Variants in SLC45A4 observed in about 807,000 individuals in gnomAD.
SLC45A4 encodes the protein polyamine-transporter SLC45A4.
In SLC45A4, 32 loss-of-function variants were observed where a neutral mutation model predicts 63.7. The ratio of observed to expected loss-of-function variants is 0.50; its 90% CI spans 0.38 to 0.67. SLC45A4 has a LOEUF of 0.67. Ranked by LOEUF, SLC45A4 falls within the 30% of genes least tolerant of loss-of-function variation. The probability of loss-of-function intolerance (pLI) is 0.00; values close to 1 mark genes in which losing one functional copy is unlikely to be tolerated. For synonymous variants in SLC45A4, 535 were observed against 510.0 expected (o/e 1.05, Z -0.66); for missense variants, 1,027 against 1,157.7 (o/e 0.89, Z 1.64).
At position 141,287,403 on chromosome 8, in the gene SLC45A4, A is replaced by G. The variant is rs11988726; in HGVS notation, c.-401+20693T>C. 6.8e-3 allele frequency among the ~76,000 whole-genome samples: 1,035 copies of G among 152,292 alleles called. 13 individuals are homozygous for G. The highest frequency in any genetic ancestry group is 0.022 in the African/African-American group (918 of 41,558). ...TACAGGTGTTTTCACAAGAGGAAAT[A>G]ACCCACACGCAGGGCACGGAGCGCA... On this transcript the variant is annotated intron_variant, in intron 1 of 8. Transcript: ENST00000517878.
intron 2 of SLC45A4, among the ~76,000 whole-genome samples, chr8:141,240,851 T>G (rs10103294): frequency 6.6e-6 from 1 of 152,186 alleles, no homozygotes; most frequent in Admixed American, 6.5e-5. Context: ...GAGACGCATG[T>G]GGATGTGCAG....
chr8:141,303,624 T>C (rs1338083455), intron 1 of SLC45A4, among the ~76,000 whole-genome samples: 2 of 152,198 alleles, frequency 1.3e-5, no homozygotes, highest in African/African-American at 2.4e-5. Flanking sequence ...TCAATTCAGA[T>C]GGCTCCAGGA....
In SLC45A4 at chr8:141,218,890, C is replaced by T; in HGVS notation, c.750G>A (p.Leu250=). The T allele has an allele frequency of 1.9e-6, 3 of 1,613,664 alleles. No individual in the cohort carries two copies. The highest frequency in any genetic ancestry group is 2.5e-6 in the Non-Finnish European group (3 of 1,179,938). ...TGTACTGCTCCTCGTCGATGCTGAACAGGTGCAGGGCCACGGACACCGTGA... is the reference window on the plus strand; with the variant it reads ...TGTACTGCTCCTCGTCGATGCTGAATAGGTGCAGGGCCACGGACACCGTGA... ...IIFTVSVALH[L]FSIDEEQYSP... is the part of the protein sequence containing the mutation. Residue 250 remains leucine (L), a synonymous_variant, in exon 5 of 9, where the codon CTG becomes CTA. Transcript: ENST00000517878.
chr8:141,222,357 AG>A (rs1826699077), intron 2 of SLC45A4, among the ~76,000 whole-genome samples: 1 of 152,220 alleles, frequency 6.6e-6, no homozygotes, highest in African/African-American at 2.4e-5. Flanking sequence ...GAGTGGGGGC[AG>A]GGGGATGCAC....
intron 2 of SLC45A4, among the ~76,000 whole-genome samples, chr8:141,235,859 C>T (rs988967572): frequency 7.9e-5 from 12 of 152,120 alleles, no homozygotes; most frequent in African/African-American, 2.2e-4. Context: ...CTCAGCACTT[C>T]GGGAGGCTGA....
chr8:141,300,059 A>G (rs1179649421), intron 1 of SLC45A4, among the ~76,000 whole-genome samples: 2 of 152,162 alleles, frequency 1.3e-5, no homozygotes, highest in Non-Finnish European at 2.9e-5. Context: ...CACTGGCCCC[A>G]TGATCTGACG....
intron 2 of SLC45A4, chr8:141,225,719 A>AC (rs751617221): frequency 7.9e-5 from 12 of 152,596 alleles, no homozygotes; most frequent in Admixed American, 3.3e-4. Context: ...GGCACAGGGC[A>AC]CTGGGGGGAA....
chr8:141,297,596 A>C (rs1198911717), intron 1 of SLC45A4, among the ~76,000 whole-genome samples: 1 of 152,214 alleles, frequency 6.6e-6, no homozygotes, highest in Non-Finnish European at 1.5e-5. Context: ...ACGGGCCCTT[A>C]TCAGCACACA....
chr8:141,263,769 C>CAAAAAA (rs67335309), intron 1 of SLC45A4, among the ~76,000 whole-genome samples: 1 of 89,122 alleles, frequency 1.1e-5, no homozygotes, highest in Non-Finnish European at 2.3e-5. Flanking sequence ...GACTCCGTCT[C>CAAAAAA]AAAAAAAAAA....
intron 1 of SLC45A4, among the ~76,000 whole-genome samples, chr8:141,290,971 T>C (rs1338387381): frequency 1.3e-5 from 2 of 152,184 alleles, no homozygotes; most frequent in Non-Finnish European, 2.9e-5. Context: ...GCCTCAGCCT[T>C]CCAAGTAGCT....
At chr8:141,296,049 T>C (rs1417510167) in intron 1 of SLC45A4, among the ~76,000 whole-genome samples, 1 of 151,838 alleles carries the variant, frequency 6.6e-6, no homozygotes, top group Admixed American at 6.6e-5. Context: ...TATTTAAAAT[T>C]AGCAGGGCAC....
intron 1 of SLC45A4, among the ~76,000 whole-genome samples, chr8:141,280,377 G>T (rs1027753106): frequency 6.6e-6 from 1 of 152,234 alleles, no homozygotes; most frequent in African/African-American, 2.4e-5. Flanking sequence ...AAAAGGAGAG[G>T]TTTTAAGATG....
Position 141,265,703 on chromosome 8 carries a change from C to G in SLC45A4, c.-400-11074G>C, listed in dbSNP as rs1337595228. ...ATCCTGTACCCCTGAGAGCTGCTGT[C>G]GCCTCAGCTGCTTAAAATGCGGAGA... On this transcript the variant is annotated intron_variant, in intron 1 of 8. Transcript: ENST00000517878. Among the ~76,000 whole-genome samples, 3 of 152,222 alleles carry G rather than the reference C, an allele frequency of 2.0e-5. No homozygotes were observed. In the South Asian group the frequency reaches 6.2e-4, roughly 31 times the overall value.
In SLC45A4 at chr8:141,227,816, T is replaced by C. The variant is rs1313284105; in HGVS notation, c.242-6051A>G. On this transcript the variant is annotated intron_variant, in intron 2 of 8. Coordinates refer to ENST00000517878, the MANE Select transcript of SLC45A4 (RefSeq NM_001286646.2). This position sits in a 1 kb window ranked among gnomAD's most constrained non-coding sequence, Gnocchi z 4.4. ...GAGCCTACTACAAACCGGCCCGTCA[T>C]TTAGGGTGGAGGGGACAGCAGCACC... Among the ~76,000 whole-genome samples, 1 of 152,136 alleles carries C rather than the reference T, an allele frequency of 6.6e-6. No homozygotes were observed. Among genetic ancestry groups the C allele is most frequent in the African/African-American group, 2.4e-5 (1 of 41,432 alleles).
At chr8:141,262,451 T>G (rs1333071240) in intron 1 of SLC45A4, among the ~76,000 whole-genome samples, 1 of 149,248 alleles carries the variant, frequency 6.7e-6, no homozygotes, top group Admixed American at 6.7e-5. Context: ...TGGGAGAAAA[T>G]TTTCACAACC....
chr8:141,300,252 ACCCCAGGT>A (rs1244767790), intron 1 of SLC45A4, among the ~76,000 whole-genome samples: 1 of 152,074 alleles, frequency 6.6e-6, no homozygotes, highest in African/African-American at 2.4e-5. Flanking sequence ...GACACCAGAG[ACCCCAGGT>A]CCGTCAAATC....
chr8:141,291,600 TA>T (rs1162597309), intron 1 of SLC45A4, among the ~76,000 whole-genome samples: 5 of 152,224 alleles, frequency 3.3e-5, no homozygotes, highest in African/African-American at 1.2e-4. Context: ...TGTCAGAAAG[TA>T]ACAGTCAAAC....
chr8:141,247,335 G>A lies in SLC45A4; in HGVS notation c.241+6654C>T, dbSNP rs529721919. ...CTATTTACAATAACATGATAACAAT[G>A]AAATACTTTAAGTATGTGACGGACC... is the stretch of plus-strand genomic sequence containing the variant. On this transcript the variant is annotated intron_variant, in intron 2 of 8. Coordinates refer to ENST00000517878, the MANE Select transcript of SLC45A4 (RefSeq NM_001286646.2). Among the ~76,000 whole-genome samples the A allele has an allele frequency of 1.1e-4, 12 of 108,266 alleles. No individual in the cohort carries two copies. The East Asian group carries it at 3.4e-3, about 31-fold the overall frequency. The allele number at this position is 108,266 out of a possible 152,430, so 71.0% of individuals were successfully genotyped here. A position where few individuals can be genotyped will look rare whatever the true frequency, so the allele number is the denominator to read the frequency against.
At chr8:141,257,898 C>T (rs916343885) in intron 1 of SLC45A4, among the ~76,000 whole-genome samples, 6 of 152,176 alleles carry the variant, frequency 3.9e-5, no homozygotes, top group African/African-American at 1.2e-4. Context: ...AATAGGAAAA[C>T]GGCTTTCTTT....
Sources: allele counts gnomAD v4.1 joint callset (sites outside exome capture counted in the v4.1 genomes callset), GRCh38; gene constraint gnomAD v4.1.1; non-coding constraint Gnocchi (gnomAD v3.1); transcripts MANE v1.5; gene names NCBI Gene and HGNC (gene_info 2026-07-23, HGNC 2026-07-21).